SCHIP1: variants seen among roughly 807,000 people sequenced by gnomAD.
SCHIP1 encodes the protein schwannomin interacting protein 1.
Under a neutral mutation model 29.7 loss-of-function variants are expected in SCHIP1, and 8 were observed. The ratio of observed to expected loss-of-function variants is 0.27; its 90% CI spans 0.16 to 0.49. The LOEUF (loss-of-function observed/expected upper bound fraction) is 0.49, where lower values mean the gene tolerates loss of function less well. Ranked by LOEUF, SCHIP1 falls within the 20% of genes least tolerant of loss-of-function variation. SCHIP1 has a pLI of 0.99. For missense variants in SCHIP1, 193 were observed against 294.6 expected (o/e 0.66, Z 2.52); for synonymous variants, 76 against 94.9 (o/e 0.80, Z 1.16).
the SCHIP1 span, among the ~76,000 whole-genome samples, chr3:159,587,828 A>G: frequency 2.0e-5 from 3 of 152,196 alleles, no homozygotes; most frequent in African/African-American, 4.8e-5. Flanking sequence ...ATAGTATTCC[A>G]TGGTGTATAT....
chr3:159,524,615 A>G, the SCHIP1 span, among the ~76,000 whole-genome samples: 22 of 152,368 alleles, frequency 1.4e-4, no homozygotes, highest in Admixed American at 3.3e-4. Context: ...ATAGACATAT[A>G]AGCCAGGCTT....
At chr3:159,337,051 A>G in the SCHIP1 span, among the ~76,000 whole-genome samples, 20 of 152,308 alleles carry the variant, frequency 1.3e-4, no homozygotes, top group South Asian at 3.9e-3. Flanking sequence ...AACATACGCA[A>G]ATCAATAAAC....
the SCHIP1 span, among the ~76,000 whole-genome samples, chr3:159,395,829 A>T: frequency 6.6e-6 from 1 of 151,800 alleles, no homozygotes; most frequent in Non-Finnish European, 1.5e-5. Flanking sequence ...GTAGATGTCT[A>T]TTAGGTCCGC....
chr3:159,500,674 A>G, the SCHIP1 span, among the ~76,000 whole-genome samples: 2 of 151,734 alleles, frequency 1.3e-5, no homozygotes. Flanking sequence ...AGATTGTGTC[A>G]CTGCCCTCCA....
the SCHIP1 span, among the ~76,000 whole-genome samples, chr3:159,465,254 A>G: frequency 6.6e-6 from 1 of 151,992 alleles, no homozygotes; most frequent in Non-Finnish European, 1.5e-5. Flanking sequence ...AATAGGGAAA[A>G]TAATACTTTT....
chr3:159,840,155 G>T (rs142410289), exon 1 of SCHIP1: 3 of 1,535,164 alleles, frequency 2.0e-6, no homozygotes, highest in South Asian at 1.2e-5. Flanking sequence ...GCAGTCCTGC[G>T]TTGGGGTCTG....
chr3:159,593,396 A>C, the SCHIP1 span, among the ~76,000 whole-genome samples: 1 of 152,038 alleles, frequency 6.6e-6, no homozygotes, highest in Non-Finnish European at 1.5e-5. Context: ...TTTAGGCCCC[A>C]CTTGGAGGAG....
the SCHIP1 span, among the ~76,000 whole-genome samples, chr3:159,717,728 G>T: frequency 6.6e-6 from 1 of 152,180 alleles, no homozygotes; most frequent in Non-Finnish European, 1.5e-5. Flanking sequence ...TGAAATTGAG[G>T]CAATAATTAA....
chr3:159,279,885 C>T, the SCHIP1 span, among the ~76,000 whole-genome samples: 1 of 152,092 alleles, frequency 6.6e-6, no homozygotes, highest in Non-Finnish European at 1.5e-5. Context: ...CTGTTGGCCT[C>T]AGTACATTGG....
At chr3:159,300,955 G>C in the SCHIP1 span, among the ~76,000 whole-genome samples, 2 of 152,028 alleles carry the variant, frequency 1.3e-5, no homozygotes, top group Non-Finnish European at 2.9e-5. Flanking sequence ...TATGTCACCT[G>C]TCACATTCTA....
intron 1 of SCHIP1, among the ~76,000 whole-genome samples, chr3:159,851,387 G>A (rs1227393735): frequency 6.6e-6 from 1 of 152,172 alleles, no homozygotes; most frequent in Non-Finnish European, 1.5e-5. Context: ...GGCCACAGAG[G>A]CAGAGAGCCC....
At chr3:159,762,535 G>C in the SCHIP1 span, among the ~76,000 whole-genome samples, 1 of 152,300 alleles carries the variant, frequency 6.6e-6, no homozygotes, top group Middle Eastern at 3.4e-3. Flanking sequence ...GAATTCACTG[G>C]GAACAATTAG....
At chr3:159,737,220 C>T in the SCHIP1 span, among the ~76,000 whole-genome samples, 1 of 152,138 alleles carries the variant, frequency 6.6e-6, no homozygotes, top group Non-Finnish European at 1.5e-5. Flanking sequence ...TCTCCCCTGA[C>T]TTTATCACTT....
At chr3:159,606,307 A>G in the SCHIP1 span, among the ~76,000 whole-genome samples, 1 of 152,192 alleles carries the variant, frequency 6.6e-6, no homozygotes, top group Non-Finnish European at 1.5e-5. Context: ...AAAAGTGGGA[A>G]GGAGATGTAT....
At chr3:159,494,893 A>G in the SCHIP1 span, among the ~76,000 whole-genome samples, 4 of 152,246 alleles carry the variant, frequency 2.6e-5, no homozygotes, top group Non-Finnish European at 5.9e-5. Flanking sequence ...CAACACATCA[A>G]AAAGCTTATC....
At chr3:159,802,583 C>T in the SCHIP1 span, among the ~76,000 whole-genome samples, 3 of 152,186 alleles carry the variant, frequency 2.0e-5, no homozygotes, top group Non-Finnish European at 4.4e-5. Context: ...GAGAGGTGAC[C>T]TTTCTGATGT....
chr3:159,773,239 C>T, the SCHIP1 span, among the ~76,000 whole-genome samples: 1 of 152,126 alleles, frequency 6.6e-6, no homozygotes, highest in African/African-American at 2.4e-5. Context: ...CACAGGGAGA[C>T]TATTTTGCAC....
the SCHIP1 span, among the ~76,000 whole-genome samples, chr3:159,392,614 C>A: frequency 6.6e-6 from 1 of 151,994 alleles, no homozygotes; most frequent in African/African-American, 2.4e-5. Context: ...TTTCCAATTT[C>A]ATCCATGTCC....
At chr3:159,546,477 A>G in the SCHIP1 span, among the ~76,000 whole-genome samples, 1 of 152,072 alleles carries the variant, frequency 6.6e-6, no homozygotes, top group Admixed American at 6.6e-5. Context: ...ACAGGCATAC[A>G]TGTGCCATGG....
Sources: gnomAD v4.1 joint callset for allele counts (sites outside exome capture counted in the v4.1 genomes callset) on GRCh38, gnomAD v4.1.1 for gene constraint, MANE v1.5 for transcripts, NCBI Gene and HGNC (gene_info 2026-07-23, HGNC 2026-07-21) for gene names.